Variants in RAPGEF6 observed in about 807,000 individuals in gnomAD.
RAPGEF6 encodes PDZ domain containing guanine nucleotide exchange factor (GEF) 2.
In RAPGEF6, 56 loss-of-function variants were observed where a neutral mutation model predicts 171.4. The observed-to-expected ratio is 0.33, with a 90% CI of 0.26 to 0.41. The LOEUF is 0.41. Among genes scored for constraint, RAPGEF6 ranks in the 10% least tolerant of loss-of-function variants. RAPGEF6 has a pLI of 1.00. For synonymous variants in RAPGEF6, 692 were observed against 650.1 expected (o/e 1.06, Z -0.98); for missense variants, 1,674 against 1,921.4 (o/e 0.87, Z 2.41).
intron 4 of RAPGEF6, among the ~76,000 whole-genome samples, chr5:131,575,994 C>T (rs761227527): frequency 2.0e-5 from 3 of 152,182 alleles, no homozygotes; most frequent in Non-Finnish European, 4.4e-5. Flanking sequence ...TCTCCTCACA[C>T]TTGAAGCATA....
At chr5:131,529,081 A>G (rs1455054622) in intron 6 of RAPGEF6, among the ~76,000 whole-genome samples, 1 of 152,112 alleles carries the variant, frequency 6.6e-6, no homozygotes, top group Non-Finnish European at 1.5e-5. Context: ...GCTCCCAACT[A>G]AGAACCACTT....
At chr5:131,480,951 GAC>G (rs1474876087) in intron 15 of RAPGEF6, among the ~76,000 whole-genome samples, 2 of 149,046 alleles carry the variant, frequency 1.3e-5, no homozygotes, top group Non-Finnish European at 3.0e-5. Context: ...TTAATTTTGA[GAC>G]AGAGTTTCGC....
intron 17 of RAPGEF6, 81 bp from the exon 18 acceptor site, chr5:131,464,362 T>TGTTCAGAGG: frequency 2.9e-6 from 3 of 1,029,704 alleles, no homozygotes; most frequent in Non-Finnish European, 4.5e-6. Flanking sequence ...TGAAACACAG[T>TGTTCAGAGG]GATCCCTCTG....
chr5:131,562,880 A>G (rs1051800481), intron 4 of RAPGEF6, among the ~76,000 whole-genome samples: 1 of 152,160 alleles, frequency 6.6e-6, no homozygotes, highest in African/African-American at 2.4e-5. Context: ...TATAAAGATG[A>G]CTTCTTAAAA....
intron 22 of RAPGEF6, among the ~76,000 whole-genome samples, chr5:131,445,550 TAAATTTAACCCA>T (rs1752635911): frequency 6.8e-6 from 1 of 146,948 alleles, no homozygotes; most frequent in African/African-American, 2.5e-5. Context: ...TCTCACTTTG[TAAATTTAACCCA>T]CTGCGTGTGT....
At chr5:131,594,704 G>T (rs1763790751) in intron 3 of RAPGEF6, among the ~76,000 whole-genome samples, 1 of 152,232 alleles carries the variant, frequency 6.6e-6, no homozygotes, top group Admixed American at 6.5e-5. Context: ...GCTGCTCAAG[G>T]CCTTGGGAGC....
intron 12 of RAPGEF6, among the ~76,000 whole-genome samples, chr5:131,498,217 C>A (rs551672777): frequency 6.6e-6 from 1 of 152,200 alleles, no homozygotes; most frequent in South Asian, 2.1e-4. Flanking sequence ...ATAGCTATAC[C>A]AGAGCTTTAT....
intron 13 of RAPGEF6, among the ~76,000 whole-genome samples, chr5:131,494,126 A>T (rs1756472288): frequency 6.6e-6 from 1 of 152,220 alleles, no homozygotes; most frequent in Non-Finnish European, 1.5e-5. Flanking sequence ...TATAATCCTT[A>T]CAACAATCTC....
rs1052672417 is a variant in RAPGEF6 at position 131,461,882 on chromosome 5, C to T, written c.2687G>A (p.Gly896Glu). ...CTCAAACCTCTTCAAATGAGTATTTCCTGTTTTGGAATTTAACTTAAAAAG... is the reference window on the plus strand; with the variant it reads ...CTCAAACCTCTTCAAATGAGTATTTTCTGTTTTGGAATTTAACTTAAAAAG... ...DDLFKLNSKT[G>E]NTHLKRFEDI... Residue 896 changes from glycine (G) to glutamate (E), a missense_variant, in exon 19 of 28, where the codon GGA becomes GAA. Physicochemically the swap from Gly to Glu is moderately conservative, Grantham distance 98. Coordinates refer to ENST00000509018, the MANE Select transcript of RAPGEF6 (RefSeq NM_016340.6). 1.2e-6 allele frequency: 2 copies of T among 1,614,058 alleles called. No homozygotes were observed. The highest frequency in any genetic ancestry group is 3.3e-5 in the Admixed American group (2 of 59,998).
intron 16 of RAPGEF6, among the ~76,000 whole-genome samples, chr5:131,477,754 C>A (rs757262933): frequency 2.0e-5 from 3 of 152,092 alleles, no homozygotes; most frequent in East Asian, 1.9e-4. Flanking sequence ...ACAACTGTGT[C>A]GCTGGTCAAA....
chr5:131,613,962 G>GT lies in RAPGEF6; in HGVS notation c.70-9270dup, dbSNP rs1561607780. On this transcript the variant is annotated intron_variant, in intron 1 of 27. Transcript: ENST00000509018. ...GGCAGCCAGTGGCTGCAGCAGGGTT[G>GT]TATTAGTCCATTCTCACACTGCTAT... Among the ~76,000 whole-genome samples, 3 of 151,908 alleles carry GT rather than the reference G, an allele frequency of 2.0e-5. 1 individual carries two copies. Among genetic ancestry groups the GT allele is most frequent in the African/African-American group, 7.3e-5 (3 of 41,348 alleles).
intron 3 of RAPGEF6, among the ~76,000 whole-genome samples, chr5:131,601,309 C>T (rs1303664317): frequency 6.7e-6 from 1 of 150,338 alleles, no homozygotes; most frequent in African/African-American, 2.5e-5. Flanking sequence ...CCCTTGAACC[C>T]GAGAGGCAGA....
Position 131,615,827 on chromosome 5 carries a change from G to C in RAPGEF6, c.70-11134C>G, listed in dbSNP as rs528773033. On this transcript the variant is annotated intron_variant, in intron 1 of 27. Transcript: ENST00000509018. ...TGAGGCATGAGAATTGCTTGAACCC[G>C]GGCACGGAGGCTGCAGTGAGCGGAG... Among the ~76,000 whole-genome samples, 158 of 152,058 alleles carry C rather than the reference G, an allele frequency of 1.0e-3. 1 individual carries two copies. Among genetic ancestry groups the C allele is most frequent in the African/African-American group, 3.6e-3 (151 of 41,466 alleles).
At chr5:131,565,212 A>C (rs1561566833) in intron 4 of RAPGEF6, among the ~76,000 whole-genome samples, 1 of 152,102 alleles carries the variant, frequency 6.6e-6, no homozygotes, top group East Asian at 1.9e-4. Context: ...CGCAATACCC[A>C]AAAATCAATT....
At chr5:131,440,063 TC>T in intron 23 of RAPGEF6, 1 of 374,146 alleles carries the variant, frequency 2.7e-6, no homozygotes, top group South Asian at 2.1e-5. Context: ...TTCAAACTCT[TC>T]CCTCCCCTCT....
intron 3 of RAPGEF6, among the ~76,000 whole-genome samples, chr5:131,599,977 T>C (rs1322063533): frequency 6.6e-6 from 1 of 152,186 alleles, no homozygotes; most frequent in Non-Finnish European, 1.5e-5. Context: ...AACTAATCTG[T>C]AAGCAACCTG....
At chr5:131,576,624 CA>C (rs1212064867) in intron 4 of RAPGEF6, among the ~76,000 whole-genome samples, 1 of 152,174 alleles carries the variant, frequency 6.6e-6, no homozygotes, top group East Asian at 1.9e-4. Context: ...GACAATGCAG[CA>C]AAAGTAGCAG....
Position 131,504,636 on chromosome 5 carries a change from A to ATGTGTCCTT in RAPGEF6, c.1235_1243dup (p.Lys412_His414dup). On this transcript the variant is annotated inframe_insertion, in exon 11 of 28. Transcript: ENST00000509018. ...AGTAAAAACACCCACCTTGATCACA[A>ATGTGTCCTT]TGTGTCCTTTCCTGGTTCCACTCCG... The ATGTGTCCTT allele has an allele frequency of 6.2e-7, 1 of 1,604,964 alleles. No homozygotes were observed. Among genetic ancestry groups the ATGTGTCCTT allele is most frequent in the Non-Finnish European group, 8.5e-7 (1 of 1,177,322 alleles).
intron 7 of RAPGEF6, among the ~76,000 whole-genome samples, chr5:131,511,638 A>G (rs775885982): frequency 4.5e-4 from 69 of 152,036 alleles, no homozygotes; most frequent in Non-Finnish European, 5.6e-4. Context: ...CTGGGAACAC[A>G]GGTATGCACC....
Sources: allele counts gnomAD v4.1 joint callset (sites outside exome capture counted in the v4.1 genomes callset), GRCh38; gene constraint gnomAD v4.1.1; transcripts MANE v1.5; gene names NCBI Gene and HGNC (gene_info 2026-07-23, HGNC 2026-07-21).